The following HEATR1 variants were observed in gnomAD, a reference collection of about 807,000 sequenced individuals.
HEATR1 encodes HEAT repeat containing 1, also known as HEAT repeat-containing protein 1.
Under a neutral mutation model 248.2 loss-of-function variants are expected in HEATR1, and 77 were observed. The ratio of observed to expected loss-of-function variants is 0.31; its 90% CI spans 0.26 to 0.37. The LOEUF (loss-of-function observed/expected upper bound fraction) is 0.37, where lower values mean the gene tolerates loss of function less well. HEATR1 is among the 10% of genes least tolerant of loss of function. The probability of loss-of-function intolerance (pLI) is 1.00; values close to 1 mark genes in which losing one functional copy is unlikely to be tolerated. For missense variants in HEATR1, 2,420 were observed against 2,504.9 expected (o/e 0.97, Z 0.72); for synonymous variants, 897 against 923.1 (o/e 0.97, Z 0.51).
At chr1:236,592,474 T>C in intron 10 of HEATR1, 49 bp downstream of exon 10, 2 of 767,918 alleles carry the variant, frequency 2.6e-6, no homozygotes, top group African/African-American at 1.7e-5. Context: ...CATATCTTTA[T>C]AGAACAGGAA....
chr1:236,590,793 A>G, intron 12 of HEATR1, 54 bp downstream of exon 12: 1 of 874,148 alleles, frequency 1.1e-6, no homozygotes, highest in Non-Finnish European at 1.7e-6. Context: ...ATTCAGAATT[A>G]CACTGCTCAT....
chr1:236,600,750 G>A lies in HEATR1; in HGVS notation c.360-1126C>T, dbSNP rs531338424. 9.3e-4 allele frequency among the ~76,000 whole-genome samples: 142 copies of A among 152,054 alleles called. 1 individual carries two copies. Among genetic ancestry groups the A allele is most frequent in the Middle Eastern group, 3.4e-3 (1 of 294 alleles). Reference sequence around the variant, plus strand: ...GGGATTCACCATGTTGGTCAGGCTCGTCTCAAACTCCTGATCTCAAGTGAC... The same window carrying A: ...GGGATTCACCATGTTGGTCAGGCTCATCTCAAACTCCTGATCTCAAGTGAC... On this transcript the variant is annotated intron_variant, in intron 3 of 44. Coordinates refer to ENST00000366582, the MANE Select transcript of HEATR1 (RefSeq NM_018072.6).
In HEATR1 at chr1:236,604,060, G is replaced by T. The variant is rs149147735; in HGVS notation, c.36C>A (p.Ala12=). Residue 12 remains alanine (A), a synonymous_variant, in exon 2 of 45, where the codon GCC becomes GCA. Coordinates refer to ENST00000366582, the MANE Select transcript of HEATR1 (RefSeq NM_018072.6). ...AGAGGCTGGCATCACTTTGAGGGAG[G>T]GCGAGTCGTTGCAGCTGCTGGGCTA... The part of the protein sequence containing the change: ...TSLAQQLQRL[A]LPQSDASLLS... 93 of 1,580,596 alleles carry T rather than the reference G, an allele frequency of 5.9e-5. No individual in the cohort carries two copies. The African/African-American group carries it at 1.2e-3, about 21-fold the overall frequency.
chr1:236,596,449 A>G (rs1179604624), intron 6 of HEATR1, among the ~76,000 whole-genome samples: 2 of 152,218 alleles, frequency 1.3e-5, no homozygotes, highest in Non-Finnish European at 1.5e-5. Flanking sequence ...GCACCTGGGA[A>G]GGCAGCAGGC....
At chr1:236,557,578 G>A (rs1190422054) in intron 36 of HEATR1, among the ~76,000 whole-genome samples, 1 of 152,214 alleles carries the variant, frequency 6.6e-6, no homozygotes, top group East Asian at 1.9e-4. Context: ...TTCATTAACT[G>A]AACACTTACT....
At chr1:236,570,253 C>A (rs148716639) in intron 28 of HEATR1, among the ~76,000 whole-genome samples, 4,520 of 152,328 alleles carry the variant, frequency 0.03, 125 homozygotes, top group Admixed American at 0.093. Flanking sequence ...CGCGCCACTG[C>A]ACTCCAGCCT....
At chr1:236,603,894 A>AC (rs1558195210) in intron 2 of HEATR1, 60 bp downstream of exon 2, 3 of 1,556,404 alleles carry the variant, frequency 1.9e-6, no homozygotes, top group Non-Finnish European at 2.6e-6. Context: ...AAAAAAAAAA[A>AC]CAGTAACATC....
At position 236,553,737 on chromosome 1, in the gene HEATR1, C is replaced by T. The variant is rs748033329; in HGVS notation, c.6081G>A (p.Leu2027=). The change falls in exon 43 of 45, where the codon CTG becomes CTA. Residue 2027 remains leucine, a splice_region_variant and synonymous_variant. Coordinates refer to ENST00000366582, the MANE Select transcript of HEATR1 (RefSeq NM_018072.6). The stretch of plus-strand genomic sequence containing the variant: ...TCTCTTCTCCCCCAAGCCTGTTTTC[C>T]AGCTAGGAAGAGTAAGACAAAGACT... The part of the protein sequence containing the change: ...EALMMPLVDQ[L]ENRLGGEEKF... The T allele has an allele frequency of 1.9e-6, 3 of 1,611,566 alleles. No individual in the cohort carries two copies. Among genetic ancestry groups the T allele is most frequent in the Admixed American group, 1.7e-5 (1 of 59,646 alleles).
intron 17 of HEATR1, among the ~76,000 whole-genome samples, chr1:236,583,839 A>C (rs1467086993): frequency 1.3e-5 from 2 of 152,200 alleles, no homozygotes; most frequent in African/African-American, 4.8e-5. Context: ...GCCAAGACAT[A>C]GTTAAAGGGA....
At position 236,603,278 on chromosome 1, in the gene HEATR1, C is replaced by T; in HGVS notation, c.241G>A (p.Val81Ile). The change falls in exon 3 of 45, where the codon GTT (valine) becomes ATT (isoleucine). Residue 81 changes from valine (V) to isoleucine (I), a missense_variant. By Grantham distance (29) the Val-to-Ile change is conservative. Coordinates refer to ENST00000366582, the MANE Select transcript of HEATR1 (RefSeq NM_018072.6). Reference sequence around the variant, plus strand: ...TGTTTGTTTACTGCTTTGGTCTGAACACTTCGCTCCAAGGTTTTTGCTAGC... The same window carrying T: ...TGTTTGTTTACTGCTTTGGTCTGAATACTTCGCTCCAAGGTTTTTGCTAGC... ...SQLAKTLERS[V>I]QTKAVNKQLD... 6.2e-7 allele frequency: 1 copy of T among 1,614,162 alleles called. No homozygotes were observed. The highest frequency in any genetic ancestry group is 8.5e-7 in the Non-Finnish European group (1 of 1,179,998).
At chr1:236,597,069 G>A (rs890327440) in intron 5 of HEATR1, 93 bp from the exon 6 acceptor site, 24 of 1,068,596 alleles carry the variant, frequency 2.2e-5, no homozygotes, top group Middle Eastern at 5.9e-4. Context: ...AGATTTCAAT[G>A]AACTATGATG....
At chr1:236,559,658 C>G in intron 34 of HEATR1, 56 bp downstream of exon 34, 2 of 1,531,806 alleles carry the variant, frequency 1.3e-6, no homozygotes, top group South Asian at 2.5e-5. Flanking sequence ...CATAATTTCA[C>G]AATAATTTAA....
At chr1:236,571,284 C>A in intron 28 of HEATR1, 67 bp downstream of exon 28, 1 of 1,512,238 alleles carries the variant, frequency 6.6e-7, no homozygotes, top group South Asian at 1.3e-5. Flanking sequence ...TCAACAGGTG[C>A]CAGTGCATTT....
At position 236,559,136 on chromosome 1, in the gene HEATR1, C is replaced by T. The variant is rs772522540; in HGVS notation, c.4771-1G>A. The T allele has an allele frequency of 6.5e-7, 1 of 1,549,102 alleles. No individual in the cohort carries two copies. Among genetic ancestry groups the T allele is most frequent in the Non-Finnish European group, 8.7e-7 (1 of 1,154,888 alleles). On this transcript the variant is annotated splice_acceptor_variant, in intron 34 of 44. Transcript: ENST00000366582. LOFTEE classifies it high-confidence loss of function. ...TCTCTGTGGGCAGCAAGGCATTGACCTAAAGAGAAATTTTATATTTAACAT... is the reference window on the plus strand; with the variant it reads ...TCTCTGTGGGCAGCAAGGCATTGACTTAAAGAGAAATTTTATATTTAACAT...
Position 236,604,129 on chromosome 1 carries a change from TA to T in HEATR1, c.-32-3del, listed in dbSNP as rs773761232. ...CCAGCGGAGTTTTAATGACACGGGC[TA>T]AAAAAACGTAAGCACTTTGATAAGT... On this transcript the variant is annotated splice_polypyrimidine_tract_variant and splice_region_variant and intron_variant, in intron 1 of 44. Transcript: ENST00000366582. The T allele has an allele frequency of 1.8e-5, 28 of 1,535,490 alleles. No individual in the cohort carries two copies. Among genetic ancestry groups the T allele is most frequent in the South Asian group, 2.5e-5 (2 of 79,618 alleles).
At chr1:236,554,340 C>T (rs1332822032) in intron 42 of HEATR1, among the ~76,000 whole-genome samples, 2 of 152,078 alleles carry the variant, frequency 1.3e-5, no homozygotes, top group Non-Finnish European at 1.5e-5. Flanking sequence ...TGCAGCGAGC[C>T]GAGATTGCAC....
chr1:236,588,775 G>C (rs1383500235), intron 12 of HEATR1, among the ~76,000 whole-genome samples: 2 of 152,110 alleles, frequency 1.3e-5, no homozygotes, highest in Non-Finnish European at 2.9e-5. Context: ...AAAAAACATA[G>C]GTCACTCTGT....
At chr1:236,568,899 A>AAAAAAAAAAAAC (rs1663346696) in intron 29 of HEATR1, 97 bp downstream of exon 29, 5 of 543,988 alleles carry the variant, frequency 9.2e-6, no homozygotes, top group African/African-American at 2.6e-5. Context: ...AAAAAAAAAC[A>AAAAAAAAAAAAC]AAAAAAAAAA....
chr1:236,599,812 A>G (rs538008716), intron 3 of HEATR1, among the ~76,000 whole-genome samples, 188 bp from the exon 4 acceptor site: 1 of 152,320 alleles, frequency 6.6e-6, no homozygotes, highest in Non-Finnish European at 1.5e-5. Flanking sequence ...ATCCCTCAAC[A>G]TGGTCCAGCC....
Sources: allele counts gnomAD v4.1 joint callset (sites outside exome capture counted in the v4.1 genomes callset), GRCh38; gene constraint gnomAD v4.1.1; transcripts MANE v1.5; gene names NCBI Gene and HGNC (gene_info 2026-07-23, HGNC 2026-07-21).